ENOX1: variants seen among roughly 807,000 people sequenced by gnomAD.
ENOX1 encodes the protein ecto-NOX disulfide-thiol exchanger 1, also known as candidate growth-related and time keeping constitutive hydroquinone (NADH) oxidase.
A neutral mutation model predicts 82.5 loss-of-function variants in ENOX1; 42 were observed. The observed-to-expected ratio is 0.51, with a 90% CI of 0.40 to 0.66. The LOEUF (loss-of-function observed/expected upper bound fraction) is 0.66. Ranked by LOEUF, ENOX1 falls within the 30% of genes least tolerant of loss-of-function variation. The pLI, the probability that ENOX1 is intolerant of heterozygous loss-of-function variation, is 0.00. For missense variants in ENOX1, 608 were observed against 811.6 expected, an observed-to-expected ratio of 0.75 and a Z score of 3.05; for synonymous variants, 271 against 282.2, an observed-to-expected ratio of 0.96 and a Z score of 0.40.
rs887585648 is a variant in ENOX1 at position 43,763,847 on chromosome 13, G to A, written c.-285+22805C>T. On this transcript the variant is annotated intron_variant, in intron 1 of 16. Coordinates refer to ENST00000690772, the MANE Select transcript of ENOX1 (RefSeq NM_001347969.2). ...GCGTAGAATAAGCAAAAAACTTTTA[G>A]ATCAATAATGCCTGTGGAACAACAT... Among the ~76,000 whole-genome samples, 5 of 152,288 alleles carry A rather than the reference G, an allele frequency of 3.3e-5. No homozygotes were observed. The South Asian group carries it at 1.0e-3, about 32-fold the overall frequency.
intron 2 of ENOX1, among the ~76,000 whole-genome samples, chr13:43,572,759 T>C (rs529398776): frequency 9.2e-5 from 14 of 152,340 alleles, no homozygotes; most frequent in Admixed American, 4.6e-4. Flanking sequence ...ATTGTGGCAA[T>C]TGTGATTCAC....
intron 2 of ENOX1, among the ~76,000 whole-genome samples, chr13:43,652,216 G>T (rs765752567): frequency 2.0e-5 from 3 of 152,092 alleles, no homozygotes; most frequent in Non-Finnish European, 4.4e-5. Context: ...GGAAGTCACC[G>T]GTTAATCCTG....
intron 1 of ENOX1, among the ~76,000 whole-genome samples, chr13:43,776,291 T>C (rs1296227798): frequency 6.6e-6 from 1 of 152,160 alleles, no homozygotes; most frequent in East Asian, 1.9e-4. Flanking sequence ...GGAGGGAGAT[T>C]GCCAAGTTGA....
chr13:43,313,952 T>C (rs61951889), intron 11 of ENOX1, among the ~76,000 whole-genome samples: 20,485 of 152,164 alleles, frequency 0.13, 1,440 homozygotes, highest in Middle Eastern at 0.17. Flanking sequence ...GCAAGGGCCT[T>C]TGGGACACAG....
chr13:43,543,880 A>G (rs1291035017), intron 2 of ENOX1: 1 of 145,944 alleles, frequency 6.9e-6, no homozygotes, highest in Non-Finnish European at 1.5e-5. Flanking sequence ...TTAAAAATAC[A>G]TTCCCATCTA....
intron 13 of ENOX1, among the ~76,000 whole-genome samples, chr13:43,266,323 A>G (rs750731999): frequency 1.6e-4 from 24 of 152,230 alleles, no homozygotes; most frequent in Admixed American, 1.1e-3. Flanking sequence ...AAGAAAATCA[A>G]TGCACATATA....
chr13:43,632,478 T>A (rs1051271188), intron 2 of ENOX1, among the ~76,000 whole-genome samples: 1 of 151,832 alleles, frequency 6.6e-6, no homozygotes, highest in African/African-American at 2.4e-5. Flanking sequence ...GGAGTTTTGC[T>A]CTTGTTGCCC....
rs924949580 is a variant in ENOX1, at chr13:43,303,067, T to C, written c.1262-4537A>G. On this transcript the variant is annotated intron_variant, in intron 11 of 16. Transcript: ENST00000690772. ...AACATTCCCCCTCCACTTTGCCAGA[T>C]GTCCTCCTGAAATGCTGGAAGGACG... is the stretch of plus-strand genomic sequence containing the variant. 1.4e-4 allele frequency among the ~76,000 whole-genome samples: 22 copies of C among 152,246 alleles called. 1 individual carries two copies. Among genetic ancestry groups the C allele is most frequent in the African/African-American group, 4.8e-4 (20 of 41,476 alleles).
chr13:43,661,315 G>A (rs537854468), intron 2 of ENOX1, among the ~76,000 whole-genome samples: 29 of 152,160 alleles, frequency 1.9e-4, no homozygotes, highest in Admixed American at 7.9e-4. Context: ...TACTGTGCGC[G>A]TTGCAAAATG....
chr13:43,223,225 T>G (rs904239441), intron 16 of ENOX1, among the ~76,000 whole-genome samples: 2 of 152,174 alleles, frequency 1.3e-5, no homozygotes, highest in Admixed American at 6.5e-5. Flanking sequence ...TGGAGGACCT[T>G]CTTACTTATT....
chr13:43,489,234 G>T (rs906728277), intron 2 of ENOX1, among the ~76,000 whole-genome samples: 10 of 152,116 alleles, frequency 6.6e-5, no homozygotes, highest in Non-Finnish European at 1.3e-4. Context: ...TGAGGAAGGG[G>T]CCCAGGGTGC....
intron 2 of ENOX1, among the ~76,000 whole-genome samples, chr13:43,581,721 G>A (rs2080752252): frequency 6.6e-6 from 1 of 152,158 alleles, no homozygotes. Context: ...TTACTGTGCA[G>A]AGGAGCCAGG....
chr13:43,520,177 C>T (rs1234469365), intron 2 of ENOX1, among the ~76,000 whole-genome samples: 3 of 152,152 alleles, frequency 2.0e-5, no homozygotes, highest in Non-Finnish European at 4.4e-5. Flanking sequence ...TTCCTCATTA[C>T]TGCATAGCTT....
intron 1 of ENOX1, among the ~76,000 whole-genome samples, chr13:43,751,016 G>A (rs1456710670): frequency 6.6e-6 from 1 of 152,162 alleles, no homozygotes; most frequent in African/African-American, 2.4e-5. Context: ...ACTTTGGGAT[G>A]ACAAACAAGA....
intron 13 of ENOX1, among the ~76,000 whole-genome samples, chr13:43,269,184 T>C (rs1224980449): frequency 6.6e-6 from 1 of 152,214 alleles, no homozygotes; most frequent in Non-Finnish European, 1.5e-5. Flanking sequence ...ACATACCTCA[T>C]TGCCAGTATT....
intron 3 of ENOX1, among the ~76,000 whole-genome samples, chr13:43,475,737 A>G (rs528637942): frequency 8.3e-6 from 1 of 120,804 alleles, no homozygotes; most frequent in African/African-American, 3.2e-5. Flanking sequence ...TAAAAGTTCC[A>G]TTTTCTTAGT....
intron 14 of ENOX1, among the ~76,000 whole-genome samples, chr13:43,258,706 T>G (rs1315009208): frequency 6.6e-6 from 1 of 152,146 alleles, no homozygotes; most frequent in Non-Finnish European, 1.5e-5. Context: ...CTCCTGATTT[T>G]CCAGTTGAGC....
At chr13:43,469,064 A>C (rs2057872217) in intron 3 of ENOX1, among the ~76,000 whole-genome samples, 2 of 152,146 alleles carry the variant, frequency 1.3e-5, no homozygotes, top group African/African-American at 4.8e-5. Context: ...TTAGGTGGAA[A>C]ACTTTCAGTC....
intron 1 of ENOX1, among the ~76,000 whole-genome samples, chr13:43,696,757 C>T (rs772378272): frequency 3.4e-5 from 5 of 148,078 alleles, no homozygotes; most frequent in African/African-American, 7.4e-5. Context: ...TCAAGACGTA[C>T]GTAAATAATG....
Sources: allele counts gnomAD v4.1 joint callset (sites outside exome capture counted in the v4.1 genomes callset), GRCh38; gene constraint gnomAD v4.1.1; transcripts MANE v1.5; gene names NCBI Gene and HGNC (gene_info 2026-07-23, HGNC 2026-07-21).